Variants in NOX4 observed in about 807,000 individuals in gnomAD.
NOX4 encodes kidney oxidase-1.
Under a neutral mutation model 87.6 loss-of-function variants are expected in NOX4, and 69 were observed. The observed-to-expected ratio is 0.79, with a 90% CI of 0.65 to 0.96. NOX4 has a LOEUF of 0.96. Among genes scored for constraint, NOX4 ranks in the 40% least tolerant of loss-of-function variants. The pLI is 0.00. For missense variants in NOX4, 680 were observed against 681.5 expected (o/e 1.00, Z 0.02); for synonymous variants, 275 against 238.2 (o/e 1.15, Z -1.42).
the NOX4 span, among the ~76,000 whole-genome samples, chr11:89,521,826 AC>A: frequency 6.6e-6 from 1 of 152,288 alleles, no homozygotes; most frequent in East Asian, 1.9e-4. Context: ...TACTTAAACA[AC>A]TGAACAAGCA....
At chr11:89,545,842 G>C in the NOX4 span, 1 of 151,926 alleles carries the variant, frequency 6.6e-6, no homozygotes, top group Non-Finnish European at 1.5e-5. Flanking sequence ...GAGACTTGAC[G>C]ACAGTCCTCT....
chr11:89,507,699 T>C, the NOX4 span, among the ~76,000 whole-genome samples: 1 of 151,912 alleles, frequency 6.6e-6, no homozygotes, highest in Admixed American at 6.6e-5. Context: ...TTCATTATGG[T>C]TATTTTCATT....
the NOX4 span, among the ~76,000 whole-genome samples, chr11:89,520,049 G>T: frequency 6.6e-6 from 1 of 151,934 alleles, no homozygotes; most frequent in Non-Finnish European, 1.5e-5. Flanking sequence ...TAGGCTGCTT[G>T]ACTAGGAATG....
chr11:89,579,066 C>T, the NOX4 span, among the ~76,000 whole-genome samples: 4 of 152,074 alleles, frequency 2.6e-5, no homozygotes, highest in Admixed American at 2.6e-4. Context: ...AAGCTGCATA[C>T]CATATGATTA....
chr11:89,469,362 GA>G (rs1454095183), intron 2 of NOX4, among the ~76,000 whole-genome samples: 18 of 152,134 alleles, frequency 1.2e-4, no homozygotes, highest in African/African-American at 4.3e-4. Context: ...TAAAAATAAC[GA>G]AAACTTAAAG....
chr11:89,452,244 T>G (rs1325667898), intron 2 of NOX4, among the ~76,000 whole-genome samples: 2 of 152,170 alleles, frequency 1.3e-5, no homozygotes, highest in Non-Finnish European at 2.9e-5. Context: ...ACCTCCACAT[T>G]TATGTGGTGT....
rs1945147040 is a variant in NOX4, at chr11:89,324,520, C to T, written c.*2236G>A. The T allele has an allele frequency of 6.6e-6, 1 of 152,164 alleles. No homozygotes were observed. Among genetic ancestry groups the T allele is most frequent in the Non-Finnish European group, 1.5e-5 (1 of 68,044 alleles). The allele number at this position is 152,164 out of a possible 1,614,324, so 9.4% of individuals were successfully genotyped here. A position where few individuals can be genotyped will look rare whatever the true frequency, so the allele number is the denominator to read the frequency against. On this transcript the variant is annotated 3_prime_UTR_variant, in exon 18 of 18. Transcript: ENST00000263317. Reference sequence around the variant, plus strand: ...CTATGTTTAACATTTAACATTTGAACACCTACTGGAACTTAAATAAGCAAG... The same window carrying T: ...CTATGTTTAACATTTAACATTTGAATACCTACTGGAACTTAAATAAGCAAG...
the NOX4 span, among the ~76,000 whole-genome samples, chr11:89,553,402 C>T: frequency 0.41 from 62,398 of 151,890 alleles, 13,532 homozygotes; most frequent in African/African-American, 0.55. Context: ...CTGCTATTAT[C>T]GTAAGTTTCC....
At position 89,442,919 on chromosome 11, in the gene NOX4, C is replaced by A. The variant is rs193104269; in HGVS notation, c.447+1216G>T. ...GAAATGTTGGAACAGGGGCAGGAAA[C>A]AAGTAGCTAGTGATTTGAGCAGAGG... On this transcript the variant is annotated intron_variant, in intron 5 of 17. Transcript: ENST00000263317. Among the ~76,000 whole-genome samples the A allele has an allele frequency of 3.3e-5, 5 of 152,062 alleles. No homozygotes were observed. In the East Asian group the frequency reaches 9.7e-4, roughly 29 times the overall value.
At chr11:89,330,190 A>T (rs1039754649) in intron 17 of NOX4, among the ~76,000 whole-genome samples, 2 of 151,994 alleles carry the variant, frequency 1.3e-5, no homozygotes, top group Non-Finnish European at 2.9e-5. Flanking sequence ...CCTACAAAAA[A>T]TTTTAAAAAT....
chr11:89,363,800 T>C (rs529123366), intron 12 of NOX4, among the ~76,000 whole-genome samples: 77 of 152,226 alleles, frequency 5.1e-4, no homozygotes, highest in South Asian at 3.9e-3. Context: ...TTTATTACCA[T>C]GGTAACTCAA....
At chr11:89,579,093 T>A in the NOX4 span, among the ~76,000 whole-genome samples, 1 of 152,214 alleles carries the variant, frequency 6.6e-6, no homozygotes, top group Non-Finnish European at 1.5e-5. Context: ...TATGACATTC[T>A]GGGAAAGACC....
chr11:89,449,631 C>T, intron 3 of NOX4, 107 bp from the exon 4 acceptor site: 1 of 750,330 alleles, frequency 1.3e-6, no homozygotes, highest in African/African-American at 1.8e-5. Context: ...ATGGCGGAAG[C>T]CTATTAATCA....
At chr11:89,443,288 C>T (rs2135362789) in intron 5 of NOX4, 1 of 151,252 alleles carries the variant, frequency 6.6e-6, no homozygotes, top group East Asian at 2.0e-4. Context: ...ATGAACACAA[C>T]AGTATTAAAC....
chr11:89,445,229 A>C (rs753658050), intron 4 of NOX4, among the ~76,000 whole-genome samples: 56 of 152,276 alleles, frequency 3.7e-4, no homozygotes, highest in Non-Finnish European at 7.5e-4. Flanking sequence ...ATAGTTCACA[A>C]TATGTGTAGT....
chr11:89,565,378 C>T, the NOX4 span, among the ~76,000 whole-genome samples: 2 of 152,050 alleles, frequency 1.3e-5, no homozygotes, highest in African/African-American at 4.8e-5. Flanking sequence ...TCTTAATAAT[C>T]CAGATAACTC....
chr11:89,568,111 G>C, the NOX4 span, among the ~76,000 whole-genome samples: 8 of 152,256 alleles, frequency 5.3e-5, no homozygotes, highest in East Asian at 1.2e-3. Flanking sequence ...CTTATGGATA[G>C]AGCATGCAGC....
chr11:89,437,182 G>A (rs1944119776), intron 6 of NOX4, among the ~76,000 whole-genome samples: 1 of 151,856 alleles, frequency 6.6e-6, no homozygotes, highest in African/African-American at 2.4e-5. Flanking sequence ...CCAACATAGT[G>A]AAACTCCATC....
intron 11 of NOX4, among the ~76,000 whole-genome samples, chr11:89,399,149 TG>T (rs1358799081): frequency 1.3e-5 from 2 of 151,700 alleles, no homozygotes; most frequent in Admixed American, 1.3e-4. Flanking sequence ...AATGATATGC[TG>T]ACTAGCTAAT....
Sources: allele counts gnomAD v4.1 joint callset (sites outside exome capture counted in the v4.1 genomes callset), GRCh38; gene constraint gnomAD v4.1.1; transcripts MANE v1.5; gene names NCBI Gene and HGNC (gene_info 2026-07-23, HGNC 2026-07-21).